NKAIN3: variants seen among roughly 807,000 people sequenced by gnomAD.
The protein encoded by NKAIN3 is sodium/potassium-transporting ATPase subunit beta-1-interacting protein 3.
In NKAIN3, 25 loss-of-function variants were observed where a neutral mutation model predicts 30.2. That is an observed-to-expected ratio of 0.83 (90% CI 0.60 to 1.16). The LOEUF is 1.16. Among genes scored for constraint, NKAIN3 ranks in the 50% most tolerant of loss-of-function variants. The pLI, the probability that NKAIN3 is intolerant of heterozygous loss-of-function variation, is 0.00. For missense variants in NKAIN3, 225 were observed against 254.1 expected, an observed-to-expected ratio of 0.89 and a Z score of 0.78; for synonymous variants, 91 against 89.6, an observed-to-expected ratio of 1.02 and a Z score of -0.09.
At chr8:62,901,997 G>A (rs1367285274) in intron 4 of NKAIN3, among the ~76,000 whole-genome samples, 1 of 152,150 alleles carries the variant, frequency 6.6e-6, no homozygotes, top group Non-Finnish European at 1.5e-5. Flanking sequence ...AGACAGGCAG[G>A]GGGTGGACAT....
chr8:62,826,346 G>C (rs1662134112), intron 4 of NKAIN3, among the ~76,000 whole-genome samples: 1 of 152,050 alleles, frequency 6.6e-6, no homozygotes, highest in Non-Finnish European at 1.5e-5. Flanking sequence ...ATTTAAATTT[G>C]CTTGAGTAAG....
At chr8:62,416,679 T>C (rs144038470) in intron 1 of NKAIN3, among the ~76,000 whole-genome samples, 311 of 152,264 alleles carry the variant, frequency 2.0e-3, no homozygotes, top group African/African-American at 6.8e-3. Flanking sequence ...TATACTTTAT[T>C]GGTTATTTTA....
chr8:62,456,518 T>TAA (rs5891857), intron 1 of NKAIN3, among the ~76,000 whole-genome samples: 3 of 143,778 alleles, frequency 2.1e-5, no homozygotes, highest in East Asian at 2.0e-4. Flanking sequence ...GACTCCGTCT[T>TAA]AAAAAAAAAA....
intron 4 of NKAIN3, among the ~76,000 whole-genome samples, chr8:62,815,755 C>T (rs1818657132): frequency 6.6e-6 from 1 of 152,116 alleles, no homozygotes; most frequent in African/African-American, 2.4e-5. Context: ...AAACCCACAG[C>T]CAATATCATA....
chr8:62,319,976 T>C (rs896680288), intron 1 of NKAIN3, among the ~76,000 whole-genome samples: 2 of 152,156 alleles, frequency 1.3e-5, no homozygotes, highest in African/African-American at 2.4e-5. Flanking sequence ...TAAGTCTCTT[T>C]GTAGGTCTCT....
At chr8:62,853,781 CTG>C (rs1819982109) in intron 4 of NKAIN3, among the ~76,000 whole-genome samples, 1 of 152,082 alleles carries the variant, frequency 6.6e-6, no homozygotes, top group East Asian at 1.9e-4. Context: ...GTTCTTTTAA[CTG>C]TGATGTTAAG....
intron 1 of NKAIN3, among the ~76,000 whole-genome samples, chr8:62,286,098 ATAGAG>A (rs746610292): frequency 1.3e-5 from 2 of 152,176 alleles, no homozygotes; most frequent in African/African-American, 2.4e-5. Context: ...TGACTTTAAA[ATAGAG>A]TAAAGATGAT....
At chr8:62,329,902 G>T (rs1220540611) in intron 1 of NKAIN3, among the ~76,000 whole-genome samples, 2 of 152,006 alleles carry the variant, frequency 1.3e-5, no homozygotes, top group Non-Finnish European at 2.9e-5. Flanking sequence ...TTAAGTGGAT[G>T]AACGATTCTT....
intron 1 of NKAIN3, among the ~76,000 whole-genome samples, chr8:62,525,559 C>T (rs1216822182): frequency 6.6e-6 from 1 of 152,124 alleles, no homozygotes; most frequent in African/African-American, 2.4e-5. Context: ...ATCCATGTCC[C>T]TGCAAAAGAA....
At chr8:62,928,872 G>C (rs996669022) in intron 5 of NKAIN3, among the ~76,000 whole-genome samples, 4 of 152,190 alleles carry the variant, frequency 2.6e-5, no homozygotes, top group African/African-American at 9.6e-5. Context: ...GCACCTGAGA[G>C]AGTCTGTCAG....
At chr8:62,443,812 T>A (rs1246268100) in intron 1 of NKAIN3, among the ~76,000 whole-genome samples, 1 of 152,178 alleles carries the variant, frequency 6.6e-6, no homozygotes, top group Non-Finnish European at 1.5e-5. Flanking sequence ...TATGTATATC[T>A]CATAGGTAAT....
At chr8:62,544,096 G>T (rs1363321367) in intron 1 of NKAIN3, among the ~76,000 whole-genome samples, 1 of 151,970 alleles carries the variant, frequency 6.6e-6, no homozygotes, top group Non-Finnish European at 1.5e-5. Context: ...CTGCCTCCGG[G>T]GCTCAAGAGA....
chr8:62,946,723 T>C lies in NKAIN3; in HGVS notation c.533-7179T>C, dbSNP rs567254299. On this transcript the variant is annotated intron_variant, in intron 5 of 6. Coordinates refer to ENST00000623646, the MANE Select transcript of NKAIN3 (RefSeq NM_001304533.3). ...TGTTATTGCTGGACTTGGCAACTTG[T>C]AAAATAAATGCTGATTAGAAAAGCC... is the stretch of plus-strand genomic sequence containing the variant. Among the ~76,000 whole-genome samples, 124 of 152,254 alleles carry C rather than the reference T, an allele frequency of 8.1e-4. 1 individual carries two copies. The highest frequency in any genetic ancestry group is 2.9e-3 in the African/African-American group (122 of 41,558).
intron 4 of NKAIN3, among the ~76,000 whole-genome samples, chr8:62,765,907 T>A (rs1816822547): frequency 6.6e-6 from 1 of 152,148 alleles, no homozygotes. Context: ...ATTATAATTT[T>A]AAAAATATAC....
At chr8:62,634,000 G>A (rs565040517) in intron 3 of NKAIN3, among the ~76,000 whole-genome samples, 1 of 152,080 alleles carries the variant, frequency 6.6e-6, no homozygotes, top group Non-Finnish European at 1.5e-5. Context: ...CAAAAAATAG[G>A]GTGAATGTAG....
chr8:62,633,863 T>A (rs987499981), intron 3 of NKAIN3, among the ~76,000 whole-genome samples: 1 of 152,152 alleles, frequency 6.6e-6, no homozygotes, highest in African/African-American at 2.4e-5. Flanking sequence ...CTGTCATTTC[T>A]GGTAACCTCC....
intron 1 of NKAIN3, among the ~76,000 whole-genome samples, chr8:62,560,901 A>T (rs1355205206): frequency 6.6e-6 from 1 of 151,998 alleles, no homozygotes; most frequent in South Asian, 2.1e-4. Flanking sequence ...TTCATTTATC[A>T]TATTTTCAAG....
intron 1 of NKAIN3, among the ~76,000 whole-genome samples, chr8:62,355,610 T>C (rs998350532): frequency 1.3e-5 from 2 of 152,216 alleles, no homozygotes; most frequent in East Asian, 1.9e-4. Context: ...GGGATGTAGA[T>C]GAAATTCTGT....
At chr8:62,299,174 TTTG>T (rs953129207) in intron 1 of NKAIN3, among the ~76,000 whole-genome samples, 6 of 152,220 alleles carry the variant, frequency 3.9e-5, no homozygotes, top group Admixed American at 2.0e-4. Context: ...GAAAAAAAAA[TTTG>T]TTGTTCTATC....
Sources: gnomAD v4.1 joint callset for allele counts (sites outside exome capture counted in the v4.1 genomes callset) on GRCh38, gnomAD v4.1.1 for gene constraint, MANE v1.5 for transcripts, NCBI Gene and HGNC (gene_info 2026-07-23, HGNC 2026-07-21) for gene names.